Variants in KLRF1 observed in about 807,000 individuals in gnomAD.
The protein encoded by KLRF1 is killer cell lectin-like receptor subfamily F member 1.
Under a neutral mutation model 30.7 loss-of-function variants are expected in KLRF1, and 27 were observed. That is an observed-to-expected ratio of 0.88 (90% confidence interval 0.65 to 1.21). The LOEUF (loss-of-function observed/expected upper bound fraction) is 1.21. Ranked by LOEUF, KLRF1 falls within the 50% of genes most tolerant of loss-of-function variation. KLRF1 has a pLI of 0.00. For synonymous variants in KLRF1, 92 were observed against 89.3 expected, an observed-to-expected ratio of 1.03 and a Z score of -0.17; for missense variants, 246 against 259.3, an observed-to-expected ratio of 0.95 and a Z score of 0.35.
chr12:9,843,683 T>G (rs1591763858), intron 5 of KLRF1, among the ~76,000 whole-genome samples: 1 of 152,166 alleles, frequency 6.6e-6, no homozygotes, highest in African/African-American at 2.4e-5. Flanking sequence ...GTCTAGATCA[T>G]GCTTGGAGAT....
Position 9,844,603 on chromosome 12 carries a change from T to G in KLRF1, c.*77T>G. The G allele has an allele frequency of 2.6e-6, 2 of 766,200 alleles. No homozygotes were observed. The highest frequency in any genetic ancestry group is 4.4e-6 in the Non-Finnish European group (2 of 457,436). 47.5% of individuals were successfully genotyped at this position (766,200 alleles called of 1,614,324 possible). ...TTAGTTTCTAATATTAATCTCCAGG[T>G]GTAAGATTTTAAAGTGCAATTAAAT... On this transcript the variant is annotated 3_prime_UTR_variant, in exon 6 of 6. Transcript: ENST00000617889.
chr12:9,843,578 G>A (rs1356019062), intron 5 of KLRF1, among the ~76,000 whole-genome samples: 1 of 152,106 alleles, frequency 6.6e-6, no homozygotes, highest in African/African-American at 2.4e-5. Flanking sequence ...TCATCTGAGA[G>A]CAGAGTTGTG....
chr12:9,819,198 C>T, the KLRF1 span, among the ~76,000 whole-genome samples: 2 of 152,126 alleles, frequency 1.3e-5, no homozygotes, highest in Non-Finnish European at 2.9e-5. Context: ...CACGCAGAGC[C>T]CTGGGAGCCT....
At chr12:9,837,637 C>G (rs1194026419) in intron 3 of KLRF1, among the ~76,000 whole-genome samples, 1 of 152,096 alleles carries the variant, frequency 6.6e-6, no homozygotes, top group Non-Finnish European at 1.5e-5. Flanking sequence ...TTCAGTCAGT[C>G]CTATTGTTTG....
chr12:9,818,224 C>T, the KLRF1 span, among the ~76,000 whole-genome samples: 5,248 of 152,252 alleles, frequency 0.034, 133 homozygotes, highest in Middle Eastern at 0.058. Context: ...ATAGAAGACC[C>T]GTGGTTCTCA....
intron 3 of KLRF1, among the ~76,000 whole-genome samples, chr12:9,837,472 CA>C (rs1329989895): frequency 6.6e-6 from 1 of 151,862 alleles, no homozygotes; most frequent in African/African-American, 2.4e-5. Context: ...AAAGGTCAGC[CA>C]AAGGTGAGAT....
chr12:9,800,912 T>C, the KLRF1 span, among the ~76,000 whole-genome samples: 1 of 152,048 alleles, frequency 6.6e-6, no homozygotes, highest in Non-Finnish European at 1.5e-5. Context: ...ACGTGTGCCA[T>C]GGTGGATTGC....
chr12:9,844,386 G>T, intron 5 of KLRF1, 32 bp from the exon 6 acceptor site: 1 of 1,119,140 alleles, frequency 8.9e-7, no homozygotes, highest in South Asian at 1.3e-5. Context: ...CAGCTACAGT[G>T]ATTAACAAAG....
intron 3 of KLRF1, among the ~76,000 whole-genome samples, chr12:9,837,291 A>G (rs1246970239): frequency 6.6e-6 from 1 of 151,926 alleles, no homozygotes; most frequent in Admixed American, 6.6e-5. Context: ...ATGGGTGAAT[A>G]ATAGTCCATT....
At chr12:9,815,648 T>C in the KLRF1 span, among the ~76,000 whole-genome samples, 1 of 152,236 alleles carries the variant, frequency 6.6e-6, no homozygotes, top group African/African-American at 2.4e-5. Flanking sequence ...TATTGGTGTG[T>C]TTCTTGGGTT....
chr12:9,842,080 T>C, intron 4 of KLRF1, 129 bp downstream of exon 4: 1 of 1,096,790 alleles, frequency 9.1e-7, no homozygotes, highest in Middle Eastern at 2.9e-4. Flanking sequence ...TCTTAAATTT[T>C]GTATTCCAAG....
intron 1 of KLRF1, among the ~76,000 whole-genome samples, chr12:9,828,061 A>C (rs1248475688): frequency 6.6e-6 from 1 of 152,052 alleles, no homozygotes; most frequent in South Asian, 2.1e-4. Flanking sequence ...CTTATCATTC[A>C]TAGAATATGG....
intron 3 of KLRF1, among the ~76,000 whole-genome samples, chr12:9,837,140 T>G (rs1867594652): frequency 6.6e-6 from 1 of 152,094 alleles, no homozygotes. Flanking sequence ...CCTTAGCCTC[T>G]GACAACTACA....
At chr12:9,841,732 T>C (rs1867705989) in intron 3 of KLRF1, 80 bp from the exon 4 acceptor site, 1 of 1,037,506 alleles carries the variant, frequency 9.6e-7, no homozygotes, top group Non-Finnish European at 1.4e-6. Context: ...TTATACAACA[T>C]GTAAGTATTG....
At chr12:9,815,939 C>G in the KLRF1 span, among the ~76,000 whole-genome samples, 2 of 150,502 alleles carry the variant, frequency 1.3e-5, no homozygotes, top group African/African-American at 4.8e-5. Context: ...CTGCTTCAGC[C>G]TCCTGAATAG....
chr12:9,803,213 G>A, the KLRF1 span, among the ~76,000 whole-genome samples: 1 of 152,054 alleles, frequency 6.6e-6, no homozygotes, highest in African/African-American at 2.4e-5. Context: ...AATGGGGAAA[G>A]GATTCCCTAT....
upstream of KLRF1, among the ~76,000 whole-genome samples, chr12:9,824,171 A>G (rs1867256127): frequency 6.6e-6 from 1 of 152,188 alleles, no homozygotes; most frequent in South Asian, 2.1e-4. Flanking sequence ...CAACAAAAAA[A>G]AGAAAACTCG....
chr12:9,816,721 C>T, the KLRF1 span, among the ~76,000 whole-genome samples: 1 of 149,718 alleles, frequency 6.7e-6, no homozygotes. Context: ...GTCCTCTTTC[C>T]AGCATTCTCT....
chr12:9,818,753 G>A, the KLRF1 span, among the ~76,000 whole-genome samples: 1 of 152,104 alleles, frequency 6.6e-6, no homozygotes, highest in Non-Finnish European at 1.5e-5. Context: ...TTTAGAATTA[G>A]TCTTAGAATG....
Sources: gnomAD v4.1 joint callset for allele counts (sites outside exome capture counted in the v4.1 genomes callset) on GRCh38, gnomAD v4.1.1 for gene constraint, MANE v1.5 for transcripts, NCBI Gene and HGNC (gene_info 2026-07-23, HGNC 2026-07-21) for gene names.